KCTD3: variants seen among roughly 807,000 people sequenced by gnomAD.
KCTD3 encodes potassium channel tetramerization domain containing 3.
KCTD3 carries 41 observed loss-of-function variants against 85.8 expected under a neutral mutation model. The observed-to-expected ratio is 0.48, with a 90% CI of 0.37 to 0.62. KCTD3 has a LOEUF of 0.62. KCTD3 is among the 20% of genes least tolerant of loss of function. The pLI, the probability that KCTD3 is intolerant of heterozygous loss-of-function variation, is 0.00. For missense variants in KCTD3, 724 were observed against 989.9 expected, an observed-to-expected ratio of 0.73 and a Z score of 3.60; for synonymous variants, 338 against 345.4, an observed-to-expected ratio of 0.98 and a Z score of 0.24.
chr1:215,569,905 T>A (rs377521624), intron 1 of KCTD3, among the ~76,000 whole-genome samples: 1 of 152,142 alleles, frequency 6.6e-6, no homozygotes, highest in Non-Finnish European at 1.5e-5. Flanking sequence ...ATTGTTAAGA[T>A]AAAATGGCTT....
Position 215,611,847 on chromosome 1 carries a change from T to A in KCTD3, c.1488T>A (p.Asp496Glu). 6.2e-7 allele frequency: 1 copy of A among 1,607,590 alleles called. No homozygotes were observed. The highest frequency in any genetic ancestry group is 8.5e-7 in the Non-Finnish European group (1 of 1,175,702). ...AAGGACCTTTTGGAGAGCGAGACGA[T>A]CAACAGGTGTTTATCCAGAAAGTTG... Reference protein sequence around the residue: ...NDIGPFGERDDQQVFIQKVVP... With the variant: ...NDIGPFGERDEQQVFIQKVVP... The change falls in exon 15 of 18, where the codon GAT becomes GAA. Residue 496 changes from aspartate (D) to glutamate (E), a missense_variant. By Grantham distance (45) the Asp-to-Glu change is conservative. Around this residue, in one of 6 missense-constraint regions of KCTD3, gnomAD observed 136 missense variants for 197.6 expected, o/e 0.69. Coordinates refer to ENST00000259154, the MANE Select transcript of KCTD3 (RefSeq NM_016121.5).
At chr1:215,609,842 A>C (rs750033259) in intron 14 of KCTD3, among the ~76,000 whole-genome samples, 10 of 151,854 alleles carry the variant, frequency 6.6e-5, no homozygotes, top group Non-Finnish European at 1.2e-4. Flanking sequence ...ATTCTGTGGT[A>C]TGAAGATATA....
chr1:215,586,451 C>T, intron 8 of KCTD3, 44 bp from the exon 9 acceptor site: 1 of 1,484,530 alleles, frequency 6.7e-7, no homozygotes, highest in Non-Finnish European at 9.1e-7. Context: ...CCGTTTGCTT[C>T]ATTGCTGCTG....
chr1:215,607,956 A>C lies in KCTD3; in HGVS notation c.1310-61A>C, dbSNP rs186866255. 128 of 1,416,828 alleles carry C rather than the reference A, an allele frequency of 9.0e-5. No individual in the cohort carries two copies. The African/African-American group carries it at 1.8e-3, about 20-fold the overall frequency. The allele number at this position is 1,416,828 out of a possible 1,614,324, so 87.8% of individuals were successfully genotyped here. On this transcript the variant is annotated intron_variant, in intron 13 of 17. Coordinates refer to ENST00000259154, the MANE Select transcript of KCTD3 (RefSeq NM_016121.5). Reference sequence around the variant, plus strand: ...CTGTGTAATATAGATGATAGTGAAAAAAGTTAAAATGAGTTTTTAAAAGTA... The same window carrying C: ...CTGTGTAATATAGATGATAGTGAAACAAGTTAAAATGAGTTTTTAAAAGTA...
Position 215,601,964 on chromosome 1 carries a change from C to G in KCTD3, c.1021+10C>G. ...TCAATATATTACATAGGTAAGTGTTCAGTCACTTAAAATGCTCCTGCTTAA... is the reference window on the plus strand; with the variant it reads ...TCAATATATTACATAGGTAAGTGTTGAGTCACTTAAAATGCTCCTGCTTAA... On this transcript the variant is annotated intron_variant, in intron 11 of 17. Coordinates refer to ENST00000259154, the MANE Select transcript of KCTD3 (RefSeq NM_016121.5). 1 of 1,537,346 alleles carries G rather than the reference C, an allele frequency of 6.5e-7. No individual in the cohort carries two copies. Among genetic ancestry groups the G allele is most frequent in the East Asian group, 2.3e-5 (1 of 44,308 alleles).
rs577770912 is a variant in KCTD3, at chr1:215,614,018, GTTTTTTTTTTTTTT to G, written c.1562+2114_1562+2127del. Among the ~76,000 whole-genome samples, 8 of 66,290 alleles carry G rather than the reference GTTTTTTTTTTTTTT, an allele frequency of 1.2e-4. 1 individual carries two copies. The highest frequency in any genetic ancestry group is 1.9e-4 in the African/African-American group (3 of 15,826). The allele number at this position is 66,290 out of a possible 152,430, so 43.5% of individuals were successfully genotyped here. On this transcript the variant is annotated intron_variant, in intron 15 of 17. Transcript: ENST00000259154. ...TTGGTTTCATAGGAACTTTAGAATA[GTTTTTTTTTTTTTT>G]TTTTTTTTTTTTTTTTAAGAGACAG...
chr1:215,607,394 G>A (rs1655071308), intron 13 of KCTD3, among the ~76,000 whole-genome samples: 1 of 151,816 alleles, frequency 6.6e-6, no homozygotes, highest in East Asian at 1.9e-4. Context: ...ACAGCTAGAC[G>A]AGGAGACATT....
intron 1 of KCTD3, among the ~76,000 whole-genome samples, chr1:215,572,865 G>A (rs1412603534): frequency 2.6e-5 from 4 of 152,176 alleles, no homozygotes; most frequent in Non-Finnish European, 2.9e-5. Flanking sequence ...GAAAATAAAT[G>A]TGGAGTGAAA....
At chr1:215,593,274 GT>G (rs1343111700) in intron 9 of KCTD3, among the ~76,000 whole-genome samples, 11 of 152,214 alleles carry the variant, frequency 7.2e-5, no homozygotes, top group Admixed American at 2.0e-4. Context: ...TTTTGTTCTA[GT>G]TTTTTGGGCT....
chr1:215,591,692 G>A (rs1660231165), intron 9 of KCTD3, among the ~76,000 whole-genome samples: 1 of 152,138 alleles, frequency 6.6e-6, no homozygotes, highest in African/African-American at 2.4e-5. Context: ...GCCCTGCCCA[G>A]GTGCAGTTAG....
chr1:215,572,622 G>C lies in KCTD3; in HGVS notation c.84-1164G>C, dbSNP rs145160486. ...CAGTGAGCATAATAAAAAAAAGTAAGCAACTTCCACGTTTTTGATAATTCC... is the reference window on the plus strand; with the variant it reads ...CAGTGAGCATAATAAAAAAAAGTAACCAACTTCCACGTTTTTGATAATTCC... On this transcript the variant is annotated intron_variant, in intron 1 of 17. Coordinates refer to ENST00000259154, the MANE Select transcript of KCTD3 (RefSeq NM_016121.5). Among the ~76,000 whole-genome samples, 881 of 152,248 alleles carry C rather than the reference G, an allele frequency of 5.8e-3. 5 individuals carry two copies. The highest frequency in any genetic ancestry group is 0.02 in the African/African-American group (838 of 41,542).
intron 13 of KCTD3, among the ~76,000 whole-genome samples, chr1:215,607,108 TTTTG>T (rs1655055018): frequency 6.6e-6 from 1 of 151,936 alleles, no homozygotes; most frequent in Non-Finnish European, 1.5e-5. Context: ...CTTTCTAAAG[TTTTG>T]TTTAAAATAT....
chr1:215,586,844 A>G (rs2102570581), intron 9 of KCTD3, among the ~76,000 whole-genome samples, 159 bp downstream of exon 9: 1 of 152,314 alleles, frequency 6.6e-6, no homozygotes, highest in South Asian at 2.1e-4. Flanking sequence ...TGAAGGAAAA[A>G]TGATGTTTTA....
Position 215,620,785 on chromosome 1 carries a change from C to T in KCTD3, c.*167C>T, listed in dbSNP as rs192800766. On this transcript the variant is annotated 3_prime_UTR_variant, in exon 18 of 18. Coordinates refer to ENST00000259154, the MANE Select transcript of KCTD3 (RefSeq NM_016121.5). Reference sequence around the variant, plus strand: ...GAATAATGAGATACAATAATCATATCTCTTTTGACATTTTGGAAATTTTTT... The same window carrying T: ...GAATAATGAGATACAATAATCATATTTCTTTTGACATTTTGGAAATTTTTT... 2 of 531,780 alleles carry T rather than the reference C, an allele frequency of 3.8e-6. No individual in the cohort carries two copies. The highest frequency in any genetic ancestry group is 3.9e-5 in the African/African-American group (2 of 51,022). The allele number at this position is 531,780 out of a possible 1,614,324, so 32.9% of individuals were successfully genotyped here.
Position 215,616,082 on chromosome 1 carries a change from C to T in KCTD3, c.1563-2804C>T, listed in dbSNP as rs577908925. ...TTCATGGCTAGCTTTGGGGAAAGAG[C>T]GTTCTGGTTTCTGTGAGCCACCTTG... On this transcript the variant is annotated intron_variant, in intron 15 of 17. Coordinates refer to ENST00000259154, the MANE Select transcript of KCTD3 (RefSeq NM_016121.5). Among the ~76,000 whole-genome samples the T allele has an allele frequency of 5.3e-5, 8 of 152,164 alleles. No individual in the cohort carries two copies. The South Asian group carries it at 1.7e-3, about 32-fold the overall frequency.
At chr1:215,593,562 T>C (rs934893140) in intron 9 of KCTD3, among the ~76,000 whole-genome samples, 1 of 152,220 alleles carries the variant, frequency 6.6e-6, no homozygotes, top group Non-Finnish European at 1.5e-5. Flanking sequence ...CAGTAATCTT[T>C]CTGGCTTATG....
chr1:215,595,320 A>T, intron 9 of KCTD3, 36 bp from the exon 10 acceptor site: 2 of 1,255,322 alleles, frequency 1.6e-6, no homozygotes, highest in South Asian at 2.4e-5. Flanking sequence ...AAAAATGGTG[A>T]CTGATTAACC....
At chr1:215,618,106 G>C (rs1295086165) in intron 15 of KCTD3, 1 of 467,364 alleles carries the variant, frequency 2.1e-6, no homozygotes, top group Non-Finnish European at 4.4e-6. Context: ...GTGTCAGTTT[G>C]GTTTCTAGAT....
Position 215,620,334 on chromosome 1 carries a change from TTGGATAG to T in KCTD3, c.2170_2176del (p.Ser724TrpfsTer6). 2 of 1,613,804 alleles carry T rather than the reference TTGGATAG, an allele frequency of 1.2e-6. No homozygotes were observed. Among genetic ancestry groups the T allele is most frequent in the Non-Finnish European group, 1.7e-6 (2 of 1,179,856 alleles). ...AGTAGAAATAAAAAGTTTGAGAGAA[TTGGATAG>T]TGGATTGGAAGTGCATAAAATAGCT... On this transcript the variant is annotated frameshift_variant, in exon 18 of 18. Coordinates refer to ENST00000259154, the MANE Select transcript of KCTD3 (RefSeq NM_016121.5). LOFTEE classifies it low-confidence loss of function (END_TRUNC).
Sources: allele counts gnomAD v4.1 joint callset (sites outside exome capture counted in the v4.1 genomes callset), GRCh38; gene constraint gnomAD v4.1.1; regional missense constraint gnomAD v4.1.1; transcripts MANE v1.5; gene names NCBI Gene and HGNC (gene_info 2026-07-23, HGNC 2026-07-21).